Variants in WDR64 observed in about 807,000 individuals in gnomAD.
WDR64 encodes the protein WD repeat-containing protein 64.
In WDR64, 112 loss-of-function variants were observed where a neutral mutation model predicts 139.3. The observed-to-expected ratio is 0.80, with a 90% confidence interval of 0.69 to 0.94. WDR64 has a LOEUF of 0.94. WDR64 is among the 40% of genes least tolerant of loss of function. The probability of loss-of-function intolerance (pLI) is 0.00; values close to 1 mark genes in which losing one functional copy is unlikely to be tolerated. For synonymous variants in WDR64, 444 were observed against 437.7 expected (o/e 1.01, Z -0.18); for missense variants, 1,206 against 1,293.1 (o/e 0.93, Z 1.03).
intron 10 of WDR64, among the ~76,000 whole-genome samples, chr1:241,734,222 G>A (rs1439092229): frequency 1.3e-5 from 2 of 151,914 alleles, no homozygotes; most frequent in African/African-American, 2.4e-5. Context: ...CTGCCTTTCC[G>A]GACTTAACCA....
intron 27 of WDR64, 80 bp downstream of exon 27, chr1:241,796,450 GCTTT>G: frequency 1.1e-6 from 1 of 944,734 alleles, no homozygotes; most frequent in Non-Finnish European, 1.6e-6. Context: ...ATATGTCTCT[GCTTT>G]CAGAAACATT....
intron 23 of WDR64, among the ~76,000 whole-genome samples, chr1:241,785,579 G>T (rs926322194): frequency 3.3e-5 from 5 of 152,078 alleles, no homozygotes; most frequent in African/African-American, 1.2e-4. Context: ...AGTTATCCTT[G>T]GCATGGAGAA....
At chr1:241,755,034 T>C (rs1670130755) in intron 14 of WDR64, among the ~76,000 whole-genome samples, 1 of 152,184 alleles carries the variant, frequency 6.6e-6, no homozygotes, top group African/African-American at 2.4e-5. Flanking sequence ...TAAAGATAGG[T>C]GTGCATGTGT....
chr1:241,794,885 C>T (rs1033627297), intron 25 of WDR64, among the ~76,000 whole-genome samples: 2 of 152,116 alleles, frequency 1.3e-5, no homozygotes, highest in African/African-American at 4.8e-5. Context: ...ATGCCTTTCC[C>T]TTAGGACTCT....
intron 16 of WDR64, among the ~76,000 whole-genome samples, chr1:241,766,561 C>T (rs955823145): frequency 4.6e-5 from 7 of 152,140 alleles, no homozygotes; most frequent in South Asian, 2.1e-4. Flanking sequence ...AGTAGCAGGG[C>T]GCAGTGGCGC....
chr1:241,785,929 C>T (rs1251423767), intron 23 of WDR64, among the ~76,000 whole-genome samples: 1 of 152,132 alleles, frequency 6.6e-6, no homozygotes, highest in African/African-American at 2.4e-5. Context: ...AGCTGGGAAG[C>T]AGGATTAGTT....
chr1:241,752,011 G>A (rs1669998430), intron 14 of WDR64, among the ~76,000 whole-genome samples: 1 of 152,160 alleles, frequency 6.6e-6, no homozygotes, highest in African/African-American at 2.4e-5. Context: ...GGGGTTCCAG[G>A]AAGATGATTA....
intron 9 of WDR64, among the ~76,000 whole-genome samples, chr1:241,714,025 T>C (rs1044907782): frequency 2.0e-5 from 3 of 152,142 alleles, no homozygotes; most frequent in Non-Finnish European, 2.9e-5. Flanking sequence ...ATGTCAAGTG[T>C]TGATTGGACA....
rs965750332 is a variant in WDR64 at position 241,748,664 on chromosome 1, G to A, written c.1595-883G>A. ...AAGTGTAAGAAAAACACTTGGCCGG[G>A]CACGGTGGCTCCTGCCTGTAATCCC... On this transcript the variant is annotated intron_variant, in intron 13 of 27. Coordinates refer to ENST00000437684, the MANE Select transcript of WDR64 (RefSeq NM_001367482.1). Among the ~76,000 whole-genome samples, 4 of 152,268 alleles carry A rather than the reference G, an allele frequency of 2.6e-5. No individual in the cohort carries two copies. The East Asian group carries it at 5.8e-4, about 22-fold the overall frequency.
intron 15 of WDR64, among the ~76,000 whole-genome samples, chr1:241,762,188 T>C (rs1234118096): frequency 1.4e-5 from 2 of 147,810 alleles, no homozygotes; most frequent in African/African-American, 5.0e-5. Context: ...TTCCCCTTGA[T>C]CCACGGGCTG....
chr1:241,721,840 A>C (rs1668622935), intron 9 of WDR64, among the ~76,000 whole-genome samples: 1 of 152,180 alleles, frequency 6.6e-6, no homozygotes, highest in Non-Finnish European at 1.5e-5. Context: ...GCTACTGTAA[A>C]AAATAACTCC....
At chr1:241,754,242 A>G (rs1438224679) in intron 14 of WDR64, among the ~76,000 whole-genome samples, 1 of 151,742 alleles carries the variant, frequency 6.6e-6, no homozygotes, top group Non-Finnish European at 1.5e-5. Flanking sequence ...TTTCATATTT[A>G]GTATCTTTTT....
chr1:241,732,830 CA>C, intron 10 of WDR64, among the ~76,000 whole-genome samples: 1 of 146,184 alleles, frequency 6.8e-6, no homozygotes, highest in African/African-American at 2.5e-5. Context: ...AAAAAAAAAC[CA>C]AAAAAACAAA....
At chr1:241,771,867 C>T (rs914021497) in intron 19 of WDR64, among the ~76,000 whole-genome samples, 170 bp downstream of exon 19, 1 of 145,810 alleles carries the variant, frequency 6.9e-6, no homozygotes, top group African/African-American at 2.5e-5. Flanking sequence ...ATAATATACA[C>T]ACACATACCC....
chr1:241,668,592 T>C (rs1159628537), intron 2 of WDR64, among the ~76,000 whole-genome samples: 2 of 151,744 alleles, frequency 1.3e-5, no homozygotes, highest in Admixed American at 1.3e-4. Context: ...AACAGTCTCA[T>C]CCTTTAGTGG....
chr1:241,727,656 A>G (rs192323192), intron 10 of WDR64, among the ~76,000 whole-genome samples: 4 of 152,194 alleles, frequency 2.6e-5, no homozygotes, highest in Admixed American at 2.0e-4. Flanking sequence ...GGGCCCTGCA[A>G]TGAGAAAGTT....
intron 10 of WDR64, among the ~76,000 whole-genome samples, chr1:241,732,827 A>C (rs12026675): frequency 0.16 from 23,698 of 151,978 alleles, 2,148 homozygotes; most frequent in East Asian, 0.28. Flanking sequence ...TCAAAAAAAA[A>C]ACCAAAAAAA....
rs1278635422 is a variant in WDR64, at chr1:241,757,317, G to A, written c.1805G>A (p.Trp602Ter). Residue 602 changes from tryptophan to a stop codon, truncating the protein, a stop_gained, in exon 15 of 28, where the codon TGG (tryptophan) becomes TAG (stop). Coordinates refer to ENST00000437684, the MANE Select transcript of WDR64 (RefSeq NM_001367482.1). LOFTEE classifies it high-confidence loss of function. ...GATGATATCTACCTCATGGTGATCT[G>A]GGAGCTGCCTGATGTTGTGCCTTTC... ...KEDDIYLMVI[W>*]ELPDVVPFLQ... 3 of 1,613,980 alleles carry A rather than the reference G, an allele frequency of 1.9e-6. No individual in the cohort carries two copies. The highest frequency in any genetic ancestry group is 2.5e-6 in the Non-Finnish European group (3 of 1,179,970).
chr1:241,729,402 C>T (rs1668988418), intron 10 of WDR64, among the ~76,000 whole-genome samples: 1 of 152,226 alleles, frequency 6.6e-6, no homozygotes, highest in Non-Finnish European at 1.5e-5. Context: ...ATTGCCTTCT[C>T]ACATATATTC....
Sources: allele counts gnomAD v4.1 joint callset (sites outside exome capture counted in the v4.1 genomes callset), GRCh38; gene constraint gnomAD v4.1.1; transcripts MANE v1.5; gene names NCBI Gene and HGNC (gene_info 2026-07-23, HGNC 2026-07-21).